Variants in RSPH14 observed in about 807,000 individuals in gnomAD.
The protein encoded by RSPH14 is radial spoke head 14 homolog.
In RSPH14, 20 loss-of-function variants were observed where a neutral mutation model predicts 26.7. The observed-to-expected ratio is 0.75, with a 90% CI of 0.53 to 1.09. The LOEUF is 1.09. Ranked by LOEUF, RSPH14 falls within the 50% of genes least tolerant of loss-of-function variation. The probability of loss-of-function intolerance (pLI) is 0.00; values close to 1 mark genes in which losing one functional copy is unlikely to be tolerated. For synonymous variants in RSPH14, 177 were observed against 189.3 expected, an observed-to-expected ratio of 0.93 and a Z score of 0.53; for missense variants, 449 against 457.2, an observed-to-expected ratio of 0.98 and a Z score of 0.16.
intron 4 of RSPH14, among the ~76,000 whole-genome samples, chr22:23,085,744 C>T (rs1359117210): frequency 6.6e-6 from 1 of 152,240 alleles, no homozygotes; most frequent in East Asian, 1.9e-4. Context: ...CCCCATGTAC[C>T]CCACTTGTGT....
At chr22:23,145,915 A>C (rs1441455475), upstream of RSPH14, 1 of 937,088 alleles carries the variant, frequency 1.1e-6, no homozygotes, top group Non-Finnish European at 1.3e-6. Context: ...AGTTGGCTGA[A>C]AGTTAAGGCC....
At chr22:23,120,922 TG>T (rs1331049672) in intron 4 of RSPH14, among the ~76,000 whole-genome samples, 2 of 152,226 alleles carry the variant, frequency 1.3e-5, no homozygotes, top group African/African-American at 4.8e-5. Flanking sequence ...ATGCAAAATT[TG>T]GGGTCAGAAG....
intron 4 of RSPH14, among the ~76,000 whole-genome samples, chr22:23,130,489 GGAAAGAAAAA>G (rs1362016012): frequency 0.018 from 67 of 3,760 alleles, 3 homozygotes; most frequent in African/African-American, 0.025. Context: ...AAAGAAAGAA[GGAAAGAAAAA>G]GAAAGAAAGA....
chr22:23,097,417 T>C (rs113942695), intron 4 of RSPH14, among the ~76,000 whole-genome samples: 4 of 152,328 alleles, frequency 2.6e-5, no homozygotes, highest in African/African-American at 9.6e-5. Flanking sequence ...GCAGTGGCCA[T>C]GGTGCTAGGA....
At position 23,061,801 on chromosome 22, in the gene RSPH14, C is replaced by T. The variant is rs774209305; in HGVS notation, c.790+8G>A. On this transcript the variant is annotated splice_region_variant and intron_variant, in intron 6 of 6. Transcript: ENST00000216036. ...TCTCCCTCCCTGCGGCACCCCCCAC[C>T]GCCTCACCTTCAGTGATCACTGTGG... 2.4e-5 allele frequency: 39 copies of T among 1,613,734 alleles called. No homozygotes were observed. The highest frequency in any genetic ancestry group is 4.4e-5 in the South Asian group (4 of 91,084).
the RSPH14 span, chr22:23,162,097 T>C: frequency 6.0e-6 from 1 of 166,944 alleles, no homozygotes. Flanking sequence ...CTTATGGTTC[T>C]GGGTCTCAGA....
At chr22:23,167,020 C>CT in the RSPH14 span, among the ~76,000 whole-genome samples, 1 of 152,080 alleles carries the variant, frequency 6.6e-6, no homozygotes, top group Admixed American at 6.5e-5. Context: ...CTGTCCCCGC[C>CT]TGACAGGTGG....
chr22:23,165,553 A>G, the RSPH14 span, among the ~76,000 whole-genome samples: 1 of 152,398 alleles, frequency 6.6e-6, no homozygotes, highest in East Asian at 1.9e-4. Flanking sequence ...CTCTGGGCAC[A>G]GGAAAGAATT....
chr22:23,065,903 C>T (rs766994879), intron 4 of RSPH14, among the ~76,000 whole-genome samples: 6 of 152,132 alleles, frequency 3.9e-5, no homozygotes, highest in Non-Finnish European at 8.8e-5. Flanking sequence ...AACCCCCCAA[C>T]CCTACCACCC....
chr22:23,124,671 G>A (rs1040365339), intron 4 of RSPH14: 6 of 201,564 alleles, frequency 3.0e-5, no homozygotes, highest in African/African-American at 9.5e-5. Context: ...AGCATGCCCC[G>A]CGCCTGAGAC....
At chr22:23,132,066 G>C (rs1467225659) in intron 4 of RSPH14, among the ~76,000 whole-genome samples, 1 of 152,170 alleles carries the variant, frequency 6.6e-6, no homozygotes, top group African/African-American at 2.4e-5. Context: ...GCCTGGCCTT[G>C]AATGTTTGCA....
intron 4 of RSPH14, among the ~76,000 whole-genome samples, chr22:23,118,190 C>T (rs991603616): frequency 6.6e-6 from 1 of 152,222 alleles, no homozygotes; most frequent in Non-Finnish European, 1.5e-5. Context: ...TTCCACACCA[C>T]CCCAGGGACT....
chr22:23,153,172 C>T, the RSPH14 span: 1 of 1,457,712 alleles, frequency 6.9e-7, no homozygotes, highest in East Asian at 2.3e-5. Context: ...TGGGCAGCTT[C>T]CTACAGGCAC....
At chr22:23,145,230 C>G, upstream of RSPH14, 1 of 868,502 alleles carries the variant, frequency 1.2e-6, no homozygotes, top group Non-Finnish European at 1.8e-6. Flanking sequence ...GCTCCGCCCC[C>G]GGGCCTCCAT....
At chr22:23,142,402 G>T (rs1443572283), upstream of RSPH14, among the ~76,000 whole-genome samples, 1 of 151,924 alleles carries the variant, frequency 6.6e-6, no homozygotes, top group Non-Finnish European at 1.5e-5. Flanking sequence ...TGCAACCTCC[G>T]CTCCACTCCG....
At position 23,134,120 on chromosome 22, in the gene RSPH14, G is replaced by A. The variant is rs1316351170; in HGVS notation, c.327C>T (p.Ile109=). ...VGRYAFLEHD[I]VLALSFLLND... ...TCAGCAGGAAGGACAGGGCAAGGAC[G>A]ATGTCGTGCTCTAGAAAGGCGTATC... Residue 109 remains isoleucine, a synonymous_variant, in exon 4 of 7, where the codon ATC becomes ATT. Transcript: ENST00000216036. 7.4e-6 allele frequency: 12 copies of A among 1,611,648 alleles called. No individual in the cohort carries two copies. The highest frequency in any genetic ancestry group is 9.3e-6 in the Non-Finnish European group (11 of 1,178,100).
At chr22:23,145,936 C>A (rs932962130), upstream of RSPH14, 3 of 979,966 alleles carry the variant, frequency 3.1e-6, no homozygotes, top group Non-Finnish European at 3.6e-6. Context: ...CCCAGGCCCA[C>A]CTAGAGCCTT....
intron 4 of RSPH14, chr22:23,133,753 C>A: frequency 2.8e-6 from 1 of 355,970 alleles, no homozygotes; most frequent in South Asian, 2.1e-5. Context: ...CCATGCCCAG[C>A]TAATTTTTGT....
At chr22:23,073,689 A>G (rs1403462769) in intron 4 of RSPH14, among the ~76,000 whole-genome samples, 1 of 152,222 alleles carries the variant, frequency 6.6e-6, no homozygotes, top group Admixed American at 6.5e-5. Flanking sequence ...ATAGGAGGAG[A>G]CATCAGCCCT....
Sources: allele counts gnomAD v4.1 joint callset (sites outside exome capture counted in the v4.1 genomes callset), GRCh38; gene constraint gnomAD v4.1.1; transcripts MANE v1.5; gene names NCBI Gene and HGNC (gene_info 2026-07-23, HGNC 2026-07-21).